Variants in VSNL1 observed in about 807,000 individuals in gnomAD.
VSNL1 encodes visinin like 1, also known as visinin-like protein 1.
Under a neutral mutation model 20.4 loss-of-function variants are expected in VSNL1, and 6 were observed. The ratio of observed to expected loss-of-function variants is 0.29; its 90% CI spans 0.16 to 0.58. The LOEUF is 0.58. Ranked by LOEUF, VSNL1 falls within the 20% of genes least tolerant of loss-of-function variation. The pLI, the probability that VSNL1 is intolerant of heterozygous loss-of-function variation, is 0.90. For synonymous variants in VSNL1, 93 were observed against 86.4 expected (o/e 1.08, Z -0.42); for missense variants, 100 against 234.5 (o/e 0.43, Z 3.75).
At chr2:17,644,745 G>A (rs188053659) in intron 2 of VSNL1, among the ~76,000 whole-genome samples, 3 of 152,224 alleles carry the variant, frequency 2.0e-5, no homozygotes, top group Admixed American at 6.5e-5. Flanking sequence ...CTTGTTCCAC[G>A]AGACACACTC....
chr2:17,564,510 T>C (rs1663891829), intron 1 of VSNL1, among the ~76,000 whole-genome samples: 1 of 152,174 alleles, frequency 6.6e-6, no homozygotes, highest in Admixed American at 6.5e-5. Flanking sequence ...ATATCCTCAT[T>C]GTGTGTTCTT....
intron 1 of VSNL1, among the ~76,000 whole-genome samples, chr2:17,582,051 C>T (rs1049635302): frequency 6.6e-6 from 1 of 152,180 alleles, no homozygotes; most frequent in South Asian, 2.1e-4. Context: ...ACCTCCTCTA[C>T]ATCTTGAAAT....
intron 2 of VSNL1, among the ~76,000 whole-genome samples, chr2:17,606,756 C>T (rs1291926610): frequency 1.3e-5 from 2 of 152,174 alleles, no homozygotes; most frequent in African/African-American, 4.8e-5. Context: ...CTAGTAGTGG[C>T]CTACCTCTCA....
intron 2 of VSNL1, among the ~76,000 whole-genome samples, chr2:17,641,226 C>T (rs2103421968): frequency 6.6e-6 from 1 of 152,284 alleles, no homozygotes; most frequent in Non-Finnish European, 1.5e-5. Context: ...GTTTTAGAAC[C>T]AGTTGTGAAA....
chr2:17,591,296 C>T lies in VSNL1; in HGVS notation c.-5-774C>T, dbSNP rs139638906. Among the ~76,000 whole-genome samples the T allele has an allele frequency of 4.9e-3, 739 of 152,316 alleles. 3 individuals are homozygous for T. The highest frequency in any genetic ancestry group is 6.7e-3 in the Non-Finnish European group (453 of 68,024). On this transcript the variant is annotated intron_variant, in intron 1 of 3. Coordinates refer to ENST00000295156, the MANE Select transcript of VSNL1 (RefSeq NM_003385.5). ...CAAGCCTGCTCTGTCTCCCTACTCCCTGCTGTGATGTTGGCCACACAACCT... is the reference window on the plus strand; with the variant it reads ...CAAGCCTGCTCTGTCTCCCTACTCCTTGCTGTGATGTTGGCCACACAACCT...
At chr2:17,548,571 G>A (rs1416903437) in intron 1 of VSNL1, among the ~76,000 whole-genome samples, 2 of 152,066 alleles carry the variant, frequency 1.3e-5, no homozygotes, top group Non-Finnish European at 2.9e-5. Context: ...ATAGTGATGT[G>A]TATATAGCAC....
intron 1 of VSNL1, among the ~76,000 whole-genome samples, chr2:17,553,719 A>G (rs562921347): frequency 1.4e-4 from 22 of 152,378 alleles, no homozygotes; most frequent in African/African-American, 5.3e-4. Context: ...TTAGCCAAAT[A>G]ATTTAATCTC....
chr2:17,550,914 T>C (rs375377514), intron 1 of VSNL1, among the ~76,000 whole-genome samples: 1 of 152,208 alleles, frequency 6.6e-6, no homozygotes, highest in Admixed American at 6.5e-5. Context: ...AATCACTGTA[T>C]ACATGCCAAC....
intron 2 of VSNL1, among the ~76,000 whole-genome samples, chr2:17,620,253 A>C (rs1307427449): frequency 6.6e-6 from 1 of 152,220 alleles, no homozygotes; most frequent in Non-Finnish European, 1.5e-5. Context: ...GGCCCTTCTC[A>C]TGGGGATCCA....
At chr2:17,632,874 C>T (rs1190998833) in intron 2 of VSNL1, among the ~76,000 whole-genome samples, 2 of 152,126 alleles carry the variant, frequency 1.3e-5, no homozygotes, top group East Asian at 3.8e-4. Context: ...AAGAAAAGCA[C>T]CGGGTGCAGT....
At chr2:17,616,044 G>A (rs2103397679) in intron 2 of VSNL1, among the ~76,000 whole-genome samples, 1 of 152,326 alleles carries the variant, frequency 6.6e-6, no homozygotes, top group East Asian at 1.9e-4. Context: ...TTACAGAAAG[G>A]AAAAACTGGG....
intron 1 of VSNL1, among the ~76,000 whole-genome samples, chr2:17,556,379 A>C (rs1048558721): frequency 6.6e-6 from 1 of 152,228 alleles, no homozygotes; most frequent in Non-Finnish European, 1.5e-5. Context: ...CACTTCTTAA[A>C]TCAATTGGAT....
chr2:17,550,839 C>A (rs1044835080), intron 1 of VSNL1, among the ~76,000 whole-genome samples: 1 of 152,164 alleles, frequency 6.6e-6, no homozygotes, highest in African/African-American at 2.4e-5. Flanking sequence ...ATATCCTAAC[C>A]CAGTCATCCT....
intron 1 of VSNL1, chr2:17,541,143 G>A (rs1050501609): frequency 1.3e-5 from 2 of 151,564 alleles, no homozygotes; most frequent in African/African-American, 2.4e-5. Context: ...TATGCGGCGT[G>A]TTTGGGGGAT....
intron 2 of VSNL1, among the ~76,000 whole-genome samples, chr2:17,595,615 C>G (rs1266509057): frequency 1.3e-5 from 2 of 152,182 alleles, no homozygotes; most frequent in Non-Finnish European, 2.9e-5. Context: ...ATGTTGAAGT[C>G]CTAACACCCA....
intron 3 of VSNL1, among the ~76,000 whole-genome samples, chr2:17,651,633 G>A (rs1037824329): frequency 2.0e-5 from 3 of 152,204 alleles, no homozygotes; most frequent in African/African-American, 7.2e-5. Context: ...GTGAGGGCTG[G>A]GCCAGCTCCC....
intron 2 of VSNL1, among the ~76,000 whole-genome samples, chr2:17,601,995 T>C (rs1664831414): frequency 6.6e-6 from 1 of 152,222 alleles, no homozygotes; most frequent in Non-Finnish European, 1.5e-5. Context: ...GAATTGGACT[T>C]GAACATGCAA....
Position 17,554,366 on chromosome 2 carries a change from A to T in VSNL1, c.-6+13448A>T, listed in dbSNP as rs542211024. Reference sequence around the variant, plus strand: ...TCCTATGGTAGATAATTAGGAATAAAGTCATTTATTTGAATTTGTTTCTAG... The same window carrying T: ...TCCTATGGTAGATAATTAGGAATAATGTCATTTATTTGAATTTGTTTCTAG... On this transcript the variant is annotated intron_variant, in intron 1 of 3. Coordinates refer to ENST00000295156, the MANE Select transcript of VSNL1 (RefSeq NM_003385.5). Among the ~76,000 whole-genome samples the T allele has an allele frequency of 5.3e-5, 8 of 152,298 alleles. No individual in the cohort carries two copies. The East Asian group carries it at 1.5e-3, about 29-fold the overall frequency.
intron 2 of VSNL1, among the ~76,000 whole-genome samples, chr2:17,636,075 G>A (rs549771762): frequency 6.6e-6 from 1 of 152,172 alleles, no homozygotes; most frequent in South Asian, 2.1e-4. Flanking sequence ...CTTCCCCAGA[G>A]TAACATTTTA....
Sources: allele counts gnomAD v4.1 joint callset (sites outside exome capture counted in the v4.1 genomes callset), GRCh38; gene constraint gnomAD v4.1.1; transcripts MANE v1.5; gene names NCBI Gene and HGNC (gene_info 2026-07-23, HGNC 2026-07-21).